The following OBP2B variants were observed in gnomAD, a reference collection of about 807,000 sequenced individuals.
The protein encoded by OBP2B is odorant binding protein 2B.
Under a neutral mutation model 21.7 loss-of-function variants are expected in OBP2B, and 10 were observed. That is an observed-to-expected ratio of 0.46 (90% CI 0.28 to 0.78). The LOEUF is 0.78. OBP2B is among the 30% of genes least tolerant of loss of function. The probability of loss-of-function intolerance (pLI) is 0.11; values close to 1 mark genes in which losing one functional copy is unlikely to be tolerated. For missense variants in OBP2B, 153 were observed against 217.7 expected, an observed-to-expected ratio of 0.70 and a Z score of 1.87; for synonymous variants, 73 against 91.5, an observed-to-expected ratio of 0.80 and a Z score of 1.16.
Position 133,205,301 on chromosome 9 carries a change from G to C in OBP2B, c.*112C>G. ...AGCTGGGGGAGAAGGACTTTATTTG[G>C]AGTCAGGTGGGTGGGAGCAGGGAAG... On this transcript the variant is annotated 3_prime_UTR_variant, in exon 7 of 7. Transcript: ENST00000372034. 11 of 1,496,414 alleles carry C rather than the reference G, an allele frequency of 7.4e-6. 1 individual carries two copies. In the South Asian group the frequency reaches 1.4e-4, roughly 19 times the overall value. 92.7% of individuals were successfully genotyped at this position (1,496,414 alleles called of 1,614,324 possible).
the OBP2B span, among the ~76,000 whole-genome samples, chr9:133,215,735 T>C: frequency 1.3e-5 from 2 of 152,210 alleles, no homozygotes; most frequent in Non-Finnish European, 2.9e-5. Flanking sequence ...GACAGATGCA[T>C]AGATCAATGG....
chr9:133,212,513 C>T (rs1833926315), upstream of OBP2B, among the ~76,000 whole-genome samples: 1 of 152,170 alleles, frequency 6.6e-6, no homozygotes, highest in Non-Finnish European at 1.5e-5. Context: ...TAAATCAATG[C>T]CAGAAAGATA....
chr9:133,220,654 T>C, the OBP2B span, among the ~76,000 whole-genome samples: 3 of 149,040 alleles, frequency 2.0e-5, no homozygotes, highest in South Asian at 4.3e-4. Context: ...GTGTCCCCCA[T>C]GTGTAGACGG....
intron 3 of OBP2B, 109 bp from the exon 4 acceptor site, chr9:133,207,445 G>A: frequency 1.4e-6 from 1 of 724,724 alleles, no homozygotes; most frequent in Non-Finnish European, 2.4e-6. Context: ...GACAGCCTGA[G>A]CCAGGCCTGG....
chr9:133,205,811 G>C (rs1223872668), intron 6 of OBP2B, 106 bp downstream of exon 6: 1 of 1,563,122 alleles, frequency 6.4e-7, no homozygotes, highest in Admixed American at 1.7e-5. Context: ...CCCTGGGGGG[G>C]TCTCCCTGGC....
upstream of OBP2B, among the ~76,000 whole-genome samples, chr9:133,212,964 G>A (rs1421827353): frequency 6.6e-6 from 1 of 151,374 alleles, no homozygotes; most frequent in Non-Finnish European, 1.5e-5. Flanking sequence ...AGTGGCTTAT[G>A]CCTATAATCT....
At chr9:133,217,276 C>A in the OBP2B span, among the ~76,000 whole-genome samples, 7 of 152,274 alleles carry the variant, frequency 4.6e-5, no homozygotes, top group East Asian at 5.8e-4. Context: ...AAAATGAACA[C>A]AATAAATAAG....
the OBP2B span, among the ~76,000 whole-genome samples, chr9:133,217,316 G>A: frequency 2.6e-5 from 4 of 152,094 alleles, no homozygotes; most frequent in Non-Finnish European, 5.9e-5. Flanking sequence ...TCAATGTCTT[G>A]CCTCCAGCTC....
Position 133,205,377 on chromosome 9 carries a change from T to C in OBP2B, c.*36A>G, listed in dbSNP as rs1317964780. ...GTGGTCCAGGCTCTGTGTCTGGTGGTAGGGTGGGCTCTGGAGGTGCAGACC... is the reference window on the plus strand; with the variant it reads ...GTGGTCCAGGCTCTGTGTCTGGTGGCAGGGTGGGCTCTGGAGGTGCAGACC... On this transcript the variant is annotated 3_prime_UTR_variant, in exon 7 of 7. Coordinates refer to ENST00000372034, the MANE Select transcript of OBP2B (RefSeq NM_014581.4). The C allele has an allele frequency of 4.0e-6, 6 of 1,511,642 alleles. No individual in the cohort carries two copies. Among genetic ancestry groups the C allele is most frequent in the African/African-American group, 2.8e-5 (2 of 72,234 alleles). The allele number at this position is 1,511,642 out of a possible 1,614,324, so 93.6% of individuals were successfully genotyped here. A position where few individuals can be genotyped will look rare whatever the true frequency, so the allele number is the denominator to read the frequency against.
upstream of OBP2B, among the ~76,000 whole-genome samples, chr9:133,209,848 G>C (rs1371873976): frequency 6.6e-6 from 1 of 152,068 alleles, no homozygotes; most frequent in South Asian, 2.1e-4. The surrounding 1 kb of genome is among the most constrained non-coding windows in gnomAD (Gnocchi z 6.0). Flanking sequence ...CGGCCTCCTC[G>C]GGCCATATGA....
the OBP2B span, among the ~76,000 whole-genome samples, chr9:133,223,034 G>A: frequency 2.0e-5 from 3 of 152,096 alleles, no homozygotes; most frequent in African/African-American, 7.2e-5. This position sits in a 1 kb window ranked among gnomAD's most constrained non-coding sequence, Gnocchi z 4.4. Flanking sequence ...TGTCCTCACC[G>A]CTTTAACTAG....
At chr9:133,206,891 C>A (rs1231030056) in intron 4 of OBP2B, among the ~76,000 whole-genome samples, 2 of 152,020 alleles carry the variant, frequency 1.3e-5, no homozygotes, top group East Asian at 3.9e-4. Context: ...CCAGAGGCAC[C>A]GGCCACCCTC....
At chr9:133,210,058 A>G (rs1391079527), upstream of OBP2B, among the ~76,000 whole-genome samples, 2 of 152,062 alleles carry the variant, frequency 1.3e-5, no homozygotes, top group Non-Finnish European at 2.9e-5. Flanking sequence ...CTTGAATCTC[A>G]TCCCTTTAGA....
the OBP2B span, among the ~76,000 whole-genome samples, chr9:133,215,030 A>T: frequency 2.7e-3 from 404 of 152,382 alleles, 2 homozygotes; most frequent in Non-Finnish European, 4.3e-3. Context: ...ACTGAAAAAC[A>T]AAACAAAAGA....
chr9:133,214,065 C>A (rs2119411503), upstream of OBP2B, among the ~76,000 whole-genome samples: 1 of 152,248 alleles, frequency 6.6e-6, no homozygotes, highest in African/African-American at 2.4e-5. Context: ...AAACCTGGTA[C>A]AATACTCAAA....
chr9:133,207,960 G>A, intron 3 of OBP2B, 173 bp downstream of exon 3: 1 of 1,533,242 alleles, frequency 6.5e-7, no homozygotes, highest in African/African-American at 1.4e-5. Context: ...CACACCCGGT[G>A]TCTGATGTCA....
intron 3 of OBP2B, 30 bp from the exon 4 acceptor site, chr9:133,207,366 C>T: frequency 7.1e-7 from 1 of 1,412,394 alleles, no homozygotes; most frequent in Non-Finnish European, 1.0e-6. Flanking sequence ...TGGGTCATTC[C>T]CAGAGAGAAC....
chr9:133,218,744 A>G, the OBP2B span, among the ~76,000 whole-genome samples: 3 of 152,214 alleles, frequency 2.0e-5, no homozygotes, highest in Non-Finnish European at 4.4e-5. Context: ...GGAACCCAAC[A>G]GAGCAAGGAG....
chr9:133,208,563 T>C lies in OBP2B; in HGVS notation c.112A>G (p.Lys38Glu). The part of the protein sequence containing the change: ...TWYVKAMVVD[K>E]DFPEDRRPRK... ...GGCCTCCTGTCCTCCGGAAAGTCCT[T>C]ATCGACCACCATGGCCTTCACGTAC... is the stretch of plus-strand genomic sequence containing the variant. The change falls in exon 2 of 7, where the codon AAG (lysine) becomes GAG (glutamate). Residue 38 changes from lysine to glutamate, a missense_variant. By Grantham distance (56) the Lys-to-Glu change is moderately conservative. This residue lies in a region of OBP2B where 151 missense variants were observed against 186.3 expected (regional missense o/e 0.81). Coordinates refer to ENST00000372034, the MANE Select transcript of OBP2B (RefSeq NM_014581.4). 7 of 1,612,688 alleles carry C rather than the reference T, an allele frequency of 4.3e-6. No individual in the cohort carries two copies. The South Asian group carries it at 5.5e-5, about 13-fold the overall frequency.
Sources: allele counts gnomAD v4.1 joint callset (sites outside exome capture counted in the v4.1 genomes callset), GRCh38; gene constraint gnomAD v4.1.1; regional missense constraint gnomAD v4.1.1; non-coding constraint Gnocchi (gnomAD v3.1); transcripts MANE v1.5; gene names NCBI Gene and HGNC (gene_info 2026-07-23, HGNC 2026-07-21).